HEATR5A: variants seen among roughly 807,000 people sequenced by gnomAD.
HEATR5A encodes HEAT repeat-containing protein 5A.
HEATR5A carries 178 observed loss-of-function variants against 218.8 expected under a neutral mutation model. The observed-to-expected ratio is 0.81, with a 90% CI of 0.72 to 0.92. The LOEUF is 0.92. HEATR5A is among the 40% of genes least tolerant of loss of function. The probability of loss-of-function intolerance (pLI) is 0.00; values close to 1 mark genes in which losing one functional copy is unlikely to be tolerated. For synonymous variants in HEATR5A, 864 were observed against 871.6 expected, an observed-to-expected ratio of 0.99 and a Z score of 0.15; for missense variants, 2,420 against 2,418.9, an observed-to-expected ratio of 1.00 and a Z score of -0.01.
chr14:31,354,216 T>C (rs563873543), intron 16 of HEATR5A, among the ~76,000 whole-genome samples: 3 of 152,172 alleles, frequency 2.0e-5, no homozygotes, highest in Admixed American at 1.3e-4. Flanking sequence ...AGCTCCCAAG[T>C]TTAAAAACCT....
chr14:31,404,087 A>G (rs887253158), intron 1 of HEATR5A, among the ~76,000 whole-genome samples: 1 of 152,184 alleles, frequency 6.6e-6, no homozygotes, highest in Non-Finnish European at 1.5e-5. Context: ...GCACAACAAA[A>G]AGTAGAAAAA....
At chr14:31,351,514 A>G (rs892221956) in intron 16 of HEATR5A, among the ~76,000 whole-genome samples, 19 of 152,072 alleles carry the variant, frequency 1.2e-4, no homozygotes, top group Admixed American at 4.6e-4. Context: ...GAAAGAAAAA[A>G]AAAAAAACAA....
Position 31,397,653 on chromosome 14 carries a change from C to T in HEATR5A, c.447+1020G>A, listed in dbSNP as rs1024450842. Among the ~76,000 whole-genome samples the T allele has an allele frequency of 4.9e-5, 7 of 142,702 alleles. No homozygotes were observed. The South Asian group carries it at 8.9e-4, about 18-fold the overall frequency. 93.6% of individuals were successfully genotyped at this position (142,702 alleles called of 152,430 possible). A position where few individuals can be genotyped will look rare whatever the true frequency, so the allele number is the denominator to read the frequency against. On this transcript the variant is annotated intron_variant, in intron 4 of 35. Coordinates refer to ENST00000543095, the MANE Select transcript of HEATR5A (RefSeq NM_015473.4). The stretch of plus-strand genomic sequence containing the variant: ...AAGCCTGGGTGACACAGCTAGACTC[C>T]GTCTCAAAAAAAAAAAAAAAAAAGG...
chr14:31,359,449 G>A (rs561254465), intron 14 of HEATR5A, among the ~76,000 whole-genome samples: 5 of 151,946 alleles, frequency 3.3e-5, no homozygotes, highest in South Asian at 2.1e-4. Context: ...GCCTGAGGCC[G>A]GGTGTGGTGG....
At chr14:31,376,246 T>C (rs1902223910) in intron 11 of HEATR5A, among the ~76,000 whole-genome samples, 1 of 152,204 alleles carries the variant, frequency 6.6e-6, no homozygotes, top group African/African-American at 2.4e-5. Flanking sequence ...CTGGGCACAG[T>C]GGGTCATGCC....
intron 6 of HEATR5A, 125 bp downstream of exon 6, chr14:31,393,927 T>C (rs10138277): frequency 1 from 668,954 of 670,758 alleles, 333,593 homozygotes; most frequent in East Asian, 1. Flanking sequence ...GGATTACAGG[T>C]GTGAGCCACC....
Position 31,317,294 on chromosome 14 carries a change from ATTTTTTTT to A in HEATR5A, c.4038+922_4038+929del, listed in dbSNP as rs35394095. Among the ~76,000 whole-genome samples, 12 of 64,186 alleles carry A rather than the reference ATTTTTTTT, an allele frequency of 1.9e-4. No individual in the cohort carries two copies. The South Asian group carries it at 3.2e-3, about 17-fold the overall frequency. 42.1% of individuals were successfully genotyped at this position (64,186 alleles called of 152,430 possible). A position where few individuals can be genotyped will look rare whatever the true frequency, so the allele number is the denominator to read the frequency against. On this transcript the variant is annotated intron_variant, in intron 26 of 35. Transcript: ENST00000543095. The stretch of plus-strand genomic sequence containing the variant: ...ATTAGTTCAGGTCATCCCGGGCTAG[ATTTTTTTT>A]TTTTTTTTTTTTTTTTTTTTGAGAT...
chr14:31,336,217 CATATATATATATATATATATATATAT>C (rs3033610), intron 22 of HEATR5A, among the ~76,000 whole-genome samples: 2 of 38,192 alleles, frequency 5.2e-5, no homozygotes, highest in Admixed American at 2.1e-4. Context: ...TACATACATA[CATATATATATATATATATATATATAT>C]ATATATATAT....
chr14:31,399,679 A>C (rs561262707), intron 3 of HEATR5A, among the ~76,000 whole-genome samples: 26 of 152,180 alleles, frequency 1.7e-4, no homozygotes, highest in African/African-American at 6.3e-4. Context: ...AAAATACAAA[A>C]ATTAGCTCGA....
chr14:31,351,576 G>A (rs961197978), intron 16 of HEATR5A, among the ~76,000 whole-genome samples: 1 of 151,686 alleles, frequency 6.6e-6, no homozygotes, highest in Non-Finnish European at 1.5e-5. Flanking sequence ...AAAAAAGCAA[G>A]AGTTAAAATT....
intron 25 of HEATR5A, among the ~76,000 whole-genome samples, chr14:31,319,669 T>C (rs1012963787): frequency 6.6e-6 from 1 of 152,206 alleles, no homozygotes; most frequent in Non-Finnish European, 1.5e-5. Context: ...CTAATGATTT[T>C]GTTATCTTCC....
At chr14:31,410,449 T>G (rs763996552) in intron 1 of HEATR5A, among the ~76,000 whole-genome samples, 5 of 152,212 alleles carry the variant, frequency 3.3e-5, no homozygotes, top group Non-Finnish European at 7.3e-5. Context: ...CATTTGTGAT[T>G]TAGGCTTTGC....
chr14:31,403,050 C>A lies in HEATR5A; in HGVS notation c.-74-1G>T. 2 of 1,318,240 alleles carry A rather than the reference C, an allele frequency of 1.5e-6. No homozygotes were observed. Among genetic ancestry groups the A allele is most frequent in the Non-Finnish European group, 2.0e-6 (2 of 990,404 alleles). 81.7% of individuals were successfully genotyped at this position (1,318,240 alleles called of 1,614,324 possible). A position where few individuals can be genotyped will look rare whatever the true frequency, so the allele number is the denominator to read the frequency against. ...GGTCAATATACCTAACAATAAAAAT[C>A]TGCAATACAGGAAAATAATGTATTT... On this transcript the variant is annotated splice_acceptor_variant, in intron 1 of 35. Coordinates refer to ENST00000543095, the MANE Select transcript of HEATR5A (RefSeq NM_015473.4). LOFTEE classifies it low-confidence loss of function (5UTR_SPLICE).
intron 21 of HEATR5A, among the ~76,000 whole-genome samples, chr14:31,342,308 A>C (rs1900866285): frequency 6.6e-6 from 1 of 152,178 alleles, no homozygotes; most frequent in Non-Finnish European, 1.5e-5. Context: ...GGATCACTTG[A>C]GCCCAGGAGT....
chr14:31,343,749 C>A (rs1900919376), intron 21 of HEATR5A, 147 bp downstream of exon 21: 1 of 551,432 alleles, frequency 1.8e-6, no homozygotes, highest in Non-Finnish European at 2.9e-6. Flanking sequence ...CCCCCTACTC[C>A]CGAAAAAGAC....
chr14:31,323,237 T>C (rs890935193), intron 24 of HEATR5A, among the ~76,000 whole-genome samples: 2 of 152,342 alleles, frequency 1.3e-5, no homozygotes, highest in East Asian at 3.9e-4. Flanking sequence ...CACGGCTCAC[T>C]GCAAGCTCAA....
At chr14:31,353,221 T>C (rs1385092941) in intron 16 of HEATR5A, among the ~76,000 whole-genome samples, 1 of 152,152 alleles carries the variant, frequency 6.6e-6, no homozygotes, top group Non-Finnish European at 1.5e-5. Flanking sequence ...AAACAGAGAT[T>C]GTATTGTACA....
At chr14:31,305,502 AT>A (rs1899528912) in intron 31 of HEATR5A, among the ~76,000 whole-genome samples, 1 of 152,150 alleles carries the variant, frequency 6.6e-6, no homozygotes, top group African/African-American at 2.4e-5. Flanking sequence ...ACCTCAAGCT[AT>A]CCGCCTGCCC....
chr14:31,298,318 T>A (rs1899257604), intron 33 of HEATR5A, among the ~76,000 whole-genome samples: 3 of 152,172 alleles, frequency 2.0e-5, no homozygotes, highest in Non-Finnish European at 4.4e-5. Context: ...CATGACCAAC[T>A]CCTTAATTTC....
Sources: gnomAD v4.1 joint callset for allele counts (sites outside exome capture counted in the v4.1 genomes callset) on GRCh38, gnomAD v4.1.1 for gene constraint, MANE v1.5 for transcripts, NCBI Gene and HGNC (gene_info 2026-07-23, HGNC 2026-07-21) for gene names.